The following PTPRG variants were observed in gnomAD, a reference collection of about 807,000 sequenced individuals.
PTPRG encodes the protein protein tyrosine phosphatase receptor type G.
PTPRG carries 102 observed loss-of-function variants against 165.3 expected under a neutral mutation model. The observed-to-expected ratio is 0.62, with a 90% CI of 0.53 to 0.73. The LOEUF (loss-of-function observed/expected upper bound fraction) is 0.73. Ranked by LOEUF, PTPRG falls within the 30% of genes least tolerant of loss-of-function variation. The pLI is 0.00. For missense variants in PTPRG, 1,866 were observed against 1,861.4 expected, an observed-to-expected ratio of 1.00 and a Z score of -0.05; for synonymous variants, 675 against 669.5, an observed-to-expected ratio of 1.01 and a Z score of -0.13.
chr3:61,584,987 A>T (rs942421788), intron 1 of PTPRG, among the ~76,000 whole-genome samples: 1 of 152,204 alleles, frequency 6.6e-6, no homozygotes. Context: ...GTTACAGAAA[A>T]TAGGGGAATT....
intron 1 of PTPRG, among the ~76,000 whole-genome samples, chr3:61,665,469 T>TACACACAC (rs10662394): frequency 0.065 from 9,331 of 143,906 alleles, 388 homozygotes; most frequent in African/African-American, 0.12. Flanking sequence ...TGTAAATAAA[T>TACACACAC]ACACACACAC....
intron 2 of PTPRG, among the ~76,000 whole-genome samples, chr3:61,934,771 TG>T (rs2039444497): frequency 6.6e-6 from 1 of 152,162 alleles, no homozygotes; most frequent in African/African-American, 2.4e-5. Context: ...GTCTTAAACT[TG>T]GGTGGCCAGC....
chr3:62,071,912 C>G (rs1026200311), intron 4 of PTPRG, among the ~76,000 whole-genome samples: 2 of 152,056 alleles, frequency 1.3e-5, no homozygotes, highest in Non-Finnish European at 2.9e-5. Context: ...TAGGTACTTA[C>G]TAAAGGTTTG....
At chr3:61,618,379 G>A (rs944878129) in intron 1 of PTPRG, among the ~76,000 whole-genome samples, 2 of 152,194 alleles carry the variant, frequency 1.3e-5, no homozygotes, top group African/African-American at 2.4e-5. Context: ...GCCTGTGTGT[G>A]TGTCCTGCTC....
chr3:61,711,089 A>G (rs1393098605), intron 1 of PTPRG, among the ~76,000 whole-genome samples: 4 of 152,160 alleles, frequency 2.6e-5, no homozygotes, highest in African/African-American at 9.7e-5. Context: ...TGTCCCTGCA[A>G]CGGACATAAA....
At chr3:61,872,156 G>A (rs1056524826) in intron 2 of PTPRG, among the ~76,000 whole-genome samples, 5 of 152,152 alleles carry the variant, frequency 3.3e-5, no homozygotes, top group Admixed American at 6.5e-5. Context: ...TGAAAGTAAC[G>A]TGTACTTTCA....
At chr3:62,244,038 TA>T in intron 15 of PTPRG, 140 bp downstream of exon 15, 1 of 560,796 alleles carries the variant, frequency 1.8e-6, no homozygotes, top group Non-Finnish European at 3.1e-6. Context: ...GAAGAACAAA[TA>T]ACTGAGTTAA....
At chr3:61,965,096 T>C (rs184631859) in intron 2 of PTPRG, among the ~76,000 whole-genome samples, 8 of 151,904 alleles carry the variant, frequency 5.3e-5, no homozygotes, top group Admixed American at 2.0e-4. Context: ...TACAAAAAAT[T>C]ATCCAGACGT....
intron 1 of PTPRG, among the ~76,000 whole-genome samples, chr3:61,708,082 C>T (rs1355060551): frequency 2.6e-5 from 4 of 152,170 alleles, no homozygotes; most frequent in Non-Finnish European, 5.9e-5. Flanking sequence ...AGCCACCACA[C>T]CCAGTAGTTT....
chr3:61,999,767 CA>C (rs2041126718), intron 3 of PTPRG, among the ~76,000 whole-genome samples: 2 of 152,026 alleles, frequency 1.3e-5, no homozygotes, highest in South Asian at 4.2e-4. Flanking sequence ...GAAATATGTC[CA>C]TAATCTACAA....
chr3:61,902,551 C>A (rs188802676), intron 2 of PTPRG, among the ~76,000 whole-genome samples: 9 of 152,212 alleles, frequency 5.9e-5, no homozygotes, highest in Non-Finnish European at 1.0e-4. Context: ...TGCTAAGTTA[C>A]CATCAATAAT....
chr3:61,739,318 G>A (rs754296275), intron 1 of PTPRG: 4 of 151,922 alleles, frequency 2.6e-5, no homozygotes, highest in Non-Finnish European at 4.4e-5. Flanking sequence ...AATAATATTG[G>A]GAACATGATT....
At position 61,841,657 on chromosome 3, in the gene PTPRG, T is replaced by C. The variant is rs900529133; in HGVS notation, c.190+92675T>C. 3.9e-5 allele frequency among the ~76,000 whole-genome samples: 6 copies of C among 152,052 alleles called. No individual in the cohort carries two copies. The East Asian group carries it at 1.2e-3, about 29-fold the overall frequency. ...AAATGGCACCACAAAAGAACAGTCA[T>C]GTGCTTCTGTCCACTGGCAATTTAC... On this transcript the variant is annotated intron_variant, in intron 2 of 29. Transcript: ENST00000474889.
At chr3:62,182,451 C>T (rs55780916) in intron 8 of PTPRG, among the ~76,000 whole-genome samples, 22,254 of 152,120 alleles carry the variant, frequency 0.15, 1,933 homozygotes, top group African/African-American at 0.23. Flanking sequence ...TCTAAGTTCA[C>T]AAACTTCTGT....
chr3:61,848,767 C>T (rs973355072), intron 2 of PTPRG, among the ~76,000 whole-genome samples: 1 of 152,194 alleles, frequency 6.6e-6, no homozygotes, highest in Non-Finnish European at 1.5e-5. Context: ...CACCCACACA[C>T]ATGTATACAT....
intron 2 of PTPRG, among the ~76,000 whole-genome samples, chr3:61,973,593 C>T (rs569504404): frequency 3.9e-5 from 6 of 152,098 alleles, no homozygotes; most frequent in Non-Finnish European, 5.9e-5. Flanking sequence ...GCACTTTGGG[C>T]GGCTGAGGCA....
At chr3:61,590,602 C>T (rs1700545091) in intron 1 of PTPRG, among the ~76,000 whole-genome samples, 1 of 152,100 alleles carries the variant, frequency 6.6e-6, no homozygotes, top group Non-Finnish European at 1.5e-5. Flanking sequence ...TGACTACTTC[C>T]CTCTTGTCCT....
At chr3:61,853,417 G>A (rs2037020484) in intron 2 of PTPRG, among the ~76,000 whole-genome samples, 1 of 152,146 alleles carries the variant, frequency 6.6e-6, no homozygotes, top group Non-Finnish European at 1.5e-5. Context: ...GTTTCCTTTG[G>A]AACAAGCTCA....
intron 4 of PTPRG, among the ~76,000 whole-genome samples, chr3:62,056,754 G>A (rs1700648373): frequency 6.6e-6 from 1 of 152,192 alleles, no homozygotes; most frequent in South Asian, 2.1e-4. Flanking sequence ...CACTGGTTTA[G>A]AAAGAGAGGA....
Sources: allele counts gnomAD v4.1 joint callset (sites outside exome capture counted in the v4.1 genomes callset), GRCh38; gene constraint gnomAD v4.1.1; transcripts MANE v1.5; gene names NCBI Gene and HGNC (gene_info 2026-07-23, HGNC 2026-07-21).